The following ACOT11 variants were observed in gnomAD, a reference collection of about 807,000 sequenced individuals.
The protein encoded by ACOT11 is acyl-CoA thioesterase 11, also known as acyl-coenzyme A thioesterase 11.
ACOT11 carries 69 observed loss-of-function variants against 77.5 expected under a neutral mutation model. The ratio of observed to expected loss-of-function variants is 0.89; its 90% CI spans 0.73 to 1.09. The LOEUF is 1.09. Ranked by LOEUF, ACOT11 falls within the 50% of genes least tolerant of loss-of-function variation. The pLI, the probability that ACOT11 is intolerant of heterozygous loss-of-function variation, is 0.00. For missense variants in ACOT11, 766 were observed against 813.7 expected (o/e 0.94, Z 0.71); for synonymous variants, 279 against 313.0 (o/e 0.89, Z 1.15).
At chr1:54,555,721 A>G (rs1365378812) in intron 1 of ACOT11, among the ~76,000 whole-genome samples, 1 of 151,624 alleles carries the variant, frequency 6.6e-6, no homozygotes, top group African/African-American at 2.4e-5. Flanking sequence ...CGTACATTTA[A>G]GTCTTTAACT....
rs200706085 is a variant in ACOT11, at chr1:54,567,217, C to CAT, written c.34-17437_34-17436dup. On this transcript the variant is annotated intron_variant, in intron 1 of 15. Coordinates refer to ENST00000343744, the MANE Select transcript of ACOT11 (RefSeq NM_147161.4). ...TCCCCAACTCAGTAACCAGTACCAC[C>CAT]ATCTGCCAGTCACTCATTCTAAGCT... Among the ~76,000 whole-genome samples the CAT allele has an allele frequency of 9.0e-3, 1,376 of 152,124 alleles. 19 individuals are homozygous for CAT. Among genetic ancestry groups the CAT allele is most frequent in the African/African-American group, 0.031 (1,305 of 41,486 alleles).
chr1:54,591,557 C>T lies in ACOT11; in HGVS notation c.312-989C>T, dbSNP rs554793862. The stretch of plus-strand genomic sequence containing the variant: ...ACTCTCCATGTTCATGAGCCAAGGC[C>T]CAGAGAAGTGAAAGGACCTGCTGGA... On this transcript the variant is annotated intron_variant, in intron 3 of 15. Coordinates refer to ENST00000343744, the MANE Select transcript of ACOT11 (RefSeq NM_147161.4). Among the ~76,000 whole-genome samples the T allele has an allele frequency of 5.3e-5, 8 of 152,258 alleles. No individual in the cohort carries two copies. The East Asian group carries it at 1.3e-3, about 26-fold the overall frequency.
At chr1:54,552,078 G>A (rs758686910) in intron 1 of ACOT11, among the ~76,000 whole-genome samples, 2 of 152,122 alleles carry the variant, frequency 1.3e-5, no homozygotes, top group African/African-American at 2.4e-5. Context: ...CACGGTTCAC[G>A]GTGTGACCTT....
At position 54,609,704 on chromosome 1, in the gene ACOT11, A is replaced by G; in HGVS notation, c.*592A>G. ...GTGGGAGATTTTGGCCCCAACCCAC[A>G]CAGGCCAATGCAAGAGGCCAAGGCT... On this transcript the variant is annotated 3_prime_UTR_variant, in exon 16 of 16. Transcript: ENST00000343744. 2 of 1,614,084 alleles carry G rather than the reference A, an allele frequency of 1.2e-6. No homozygotes were observed. Among genetic ancestry groups the G allele is most frequent in the Non-Finnish European group, 1.7e-6 (2 of 1,180,018 alleles).
chr1:54,584,570 C>G lies in ACOT11; in HGVS notation c.34-85C>G, dbSNP rs749098011. 3.0e-6 allele frequency: 4 copies of G among 1,337,968 alleles called. No homozygotes were observed. The highest frequency in any genetic ancestry group is 2.1e-5 in the Admixed American group (1 of 47,998). The allele number at this position is 1,337,968 out of a possible 1,614,324, so 82.9% of individuals were successfully genotyped here. ...CCTAGGTACTCTCTCTCCCCCAGAC[C>G]CTAAGTTCTCAGGGCTGGACAGACC... On this transcript the variant is annotated intron_variant, in intron 1 of 15. Coordinates refer to ENST00000343744, the MANE Select transcript of ACOT11 (RefSeq NM_147161.4). This position sits in a 1 kb window ranked among gnomAD's most constrained non-coding sequence, Gnocchi z 6.3.
intron 15 of ACOT11, among the ~76,000 whole-genome samples, chr1:54,624,551 G>C (rs1025744430): frequency 7.9e-5 from 12 of 152,182 alleles, no homozygotes; most frequent in African/African-American, 2.7e-4. Context: ...AGAGAGAAAG[G>C]GATGGAGGCT....
In ACOT11 at chr1:54,634,853, A is replaced by G. The variant is rs1434866720; in HGVS notation, c.*124A>G. 1.6e-5 allele frequency: 10 copies of G among 606,464 alleles called. No homozygotes were observed. The East Asian group carries it at 2.8e-4, about 17-fold the overall frequency. The allele number at this position is 606,464 out of a possible 1,614,324, so 37.6% of individuals were successfully genotyped here. A position where few individuals can be genotyped will look rare whatever the true frequency, so the allele number is the denominator to read the frequency against. On this transcript the variant is annotated 3_prime_UTR_variant, in exon 17 of 17. Coordinates refer to the ACOT11 transcript ENST00000371316. ...AACTATCATGAGCAACACCCGTCGA[A>G]CACAGCCACCCCGCTAAGAACAGAT... is the stretch of plus-strand genomic sequence containing the variant.
At chr1:54,571,061 T>TTCTCTCTC (rs556109250) in intron 1 of ACOT11, among the ~76,000 whole-genome samples, 19 of 149,486 alleles carry the variant, frequency 1.3e-4, no homozygotes, top group African/African-American at 4.1e-4. Context: ...AATTATGATA[T>TTCTCTCTC]TCTCTCTCTC....
At chr1:54,550,361 T>C in intron 1 of ACOT11, among the ~76,000 whole-genome samples, 1 of 152,168 alleles carries the variant, frequency 6.6e-6, no homozygotes, top group East Asian at 1.9e-4. Flanking sequence ...CTAAGAACAC[T>C]CTGGCCTTGA....
chr1:54,615,513 A>G (rs1046330229), intron 15 of ACOT11, among the ~76,000 whole-genome samples: 1 of 152,108 alleles, frequency 6.6e-6, no homozygotes, highest in African/African-American at 2.4e-5. Context: ...TTGGGGCAGG[A>G]AGCCAGTGAG....
Position 54,623,654 on chromosome 1 carries a change from C to T in ACOT11, c.1630-7080C>T, listed in dbSNP as rs76310819. On this transcript the variant is annotated intron_variant, in intron 15 of 16. Transcript: ENST00000371316. ...AGAATATCTACCATATCTAAAATGACCTTTGAGCACAGTAAGAGGCAGCAG... is the reference window on the plus strand; with the variant it reads ...AGAATATCTACCATATCTAAAATGATCTTTGAGCACAGTAAGAGGCAGCAG... The T allele has an allele frequency of 2.9e-3, 1,164 of 397,696 alleles. 14 individuals carry two copies. The highest frequency in any genetic ancestry group is 0.022 in the African/African-American group (1,084 of 49,032). 24.6% of individuals were successfully genotyped at this position (397,696 alleles called of 1,614,324 possible).
chr1:54,564,545 C>T (rs1199069017), intron 1 of ACOT11, among the ~76,000 whole-genome samples: 1 of 152,252 alleles, frequency 6.6e-6, no homozygotes, highest in African/African-American at 2.4e-5. Context: ...GGGGAGTGGC[C>T]TTGGGACTTC....
chr1:54,578,164 A>G (rs1654179686), intron 1 of ACOT11, among the ~76,000 whole-genome samples: 1 of 151,206 alleles, frequency 6.6e-6, no homozygotes, highest in Non-Finnish European at 1.5e-5. Flanking sequence ...TGCCAAAGTG[A>G]CAAGGGGAAC....
chr1:54,552,783 G>A (rs962478056), intron 1 of ACOT11, among the ~76,000 whole-genome samples: 5 of 151,246 alleles, frequency 3.3e-5, no homozygotes, highest in South Asian at 2.1e-4. Context: ...CACCATGCCC[G>A]GCCCACTCTT....
At chr1:54,559,613 CAT>C (rs1382059405) in intron 1 of ACOT11, among the ~76,000 whole-genome samples, 2 of 150,626 alleles carry the variant, frequency 1.3e-5, no homozygotes, top group Non-Finnish European at 1.5e-5. Context: ...TTTTCCATCT[CAT>C]GTGAACCTCA....
chr1:54,616,163 G>A, intron 15 of ACOT11: 1 of 1,613,898 alleles, frequency 6.2e-7, no homozygotes, highest in Non-Finnish European at 8.5e-7. Context: ...CTCCAGGACT[G>A]TGATGTTGCC....
chr1:54,552,110 A>G (rs1653092915), intron 1 of ACOT11, among the ~76,000 whole-genome samples: 1 of 152,026 alleles, frequency 6.6e-6, no homozygotes, highest in Non-Finnish European at 1.5e-5. Context: ...TCCTCTCTCT[A>G]GGCCTTAGGG....
intron 15 of ACOT11, among the ~76,000 whole-genome samples, chr1:54,628,649 A>C (rs1294730550): frequency 8.3e-6 from 1 of 119,964 alleles, no homozygotes; most frequent in East Asian, 2.8e-4. Flanking sequence ...TGACACTGTC[A>C]TGAATTTGTA....
At chr1:54,616,178 G>A (rs1039717077) in intron 15 of ACOT11, 1 of 1,611,734 alleles carries the variant, frequency 6.2e-7, no homozygotes, top group Non-Finnish European at 8.5e-7. Flanking sequence ...GTTGCCTGTG[G>A]AAGGGGCAAC....
Sources: allele counts gnomAD v4.1 joint callset (sites outside exome capture counted in the v4.1 genomes callset), GRCh38; gene constraint gnomAD v4.1.1; non-coding constraint Gnocchi (gnomAD v3.1); transcripts MANE v1.5; gene names NCBI Gene and HGNC (gene_info 2026-07-23, HGNC 2026-07-21).